The following ZBTB20 variants were observed in gnomAD, a reference collection of about 807,000 sequenced individuals.
ZBTB20 encodes the protein zinc finger and BTB domain containing 20.
Under a neutral mutation model 56.9 loss-of-function variants are expected in ZBTB20, and 9 were observed. The ratio of observed to expected loss-of-function variants is 0.16; its 90% CI spans 0.10 to 0.28. The LOEUF (loss-of-function observed/expected upper bound fraction) is 0.28, where lower values mean the gene tolerates loss of function less well. ZBTB20 is among the 10% of genes least tolerant of loss of function. The pLI is 1.00. For missense variants in ZBTB20, 655 were observed against 1,003.0 expected (o/e 0.65, Z 4.69); for synonymous variants, 417 against 420.7 (o/e 0.99, Z 0.11).
intron 5 of ZBTB20, among the ~76,000 whole-genome samples, chr3:114,767,753 C>G (rs1008343642): frequency 3.3e-5 from 5 of 152,150 alleles, no homozygotes; most frequent in African/African-American, 1.2e-4. Context: ...ATCCAAATGT[C>G]TGGGACACAA....
At chr3:114,862,647 T>C (rs752675028) in intron 4 of ZBTB20, among the ~76,000 whole-genome samples, 6 of 152,186 alleles carry the variant, frequency 3.9e-5, no homozygotes, top group East Asian at 1.9e-4. Flanking sequence ...TTCACTATTG[T>C]ATGCTCCGAG....
chr3:114,488,572 T>C (rs1016640524), intron 7 of ZBTB20, among the ~76,000 whole-genome samples: 1 of 152,304 alleles, frequency 6.6e-6, no homozygotes, highest in Middle Eastern at 3.4e-3. Flanking sequence ...ATGGCAAAAA[T>C]TATCACTGAA....
chr3:114,967,915 C>A (rs1211295483), intron 3 of ZBTB20, among the ~76,000 whole-genome samples: 1 of 151,428 alleles, frequency 6.6e-6, no homozygotes, highest in Admixed American at 6.6e-5. Flanking sequence ...CAAGATCACC[C>A]CATTGCACTC....
intron 4 of ZBTB20, among the ~76,000 whole-genome samples, chr3:114,859,189 TTCCTTCCTTCCTTCGTTCCTTCCTTTCC>T (rs1224806095): frequency 3.3e-5 from 5 of 152,030 alleles, no homozygotes; most frequent in Non-Finnish European, 7.4e-5. Context: ...CCCACCTTTC[TTCCTTCCTTCCTTCGTTCCTTCCTTTCC>T]TCCTTCCTTC....
At chr3:114,667,425 C>T (rs976970848) in intron 6 of ZBTB20, among the ~76,000 whole-genome samples, 1 of 151,978 alleles carries the variant, frequency 6.6e-6, no homozygotes, top group Non-Finnish European at 1.5e-5. Context: ...ATGATTAACA[C>T]GTTTTAAAAG....
chr3:114,633,687 C>T (rs2059093480), intron 6 of ZBTB20, among the ~76,000 whole-genome samples: 1 of 152,140 alleles, frequency 6.6e-6, no homozygotes. Context: ...TCCTTTTCTA[C>T]TTGCACTGGG....
intron 5 of ZBTB20, among the ~76,000 whole-genome samples, chr3:114,710,843 G>A (rs2064028492): frequency 6.6e-6 from 1 of 152,040 alleles, no homozygotes; most frequent in South Asian, 2.1e-4. Context: ...ATAGCTTTCT[G>A]TCAGTCTTTA....
intron 6 of ZBTB20, among the ~76,000 whole-genome samples, chr3:114,596,442 GA>G (rs994854465): frequency 1.3e-5 from 2 of 152,132 alleles, no homozygotes; most frequent in African/African-American, 4.8e-5. Flanking sequence ...CAGGCAAACA[GA>G]AAGGTGTAGA....
At chr3:114,576,813 A>T (rs189388232) in intron 6 of ZBTB20, among the ~76,000 whole-genome samples, 6 of 152,054 alleles carry the variant, frequency 3.9e-5, no homozygotes, top group African/African-American at 9.6e-5. Context: ...AGAGTGAGAA[A>T]GTGAGTGAGA....
chr3:114,792,820 C>A lies in ZBTB20; in HGVS notation c.-343+8281G>T, dbSNP rs200839467. Among the ~76,000 whole-genome samples the A allele has an allele frequency of 3.3e-5, 5 of 152,064 alleles. No homozygotes were observed. The East Asian group carries it at 9.7e-4, about 29-fold the overall frequency. On this transcript the variant is annotated intron_variant, in intron 5 of 11. Transcript: ENST00000675478. ...GTATTCCTCACTGGTCTTTAGAAAA[C>A]AGTGCTAGCAATTCATAAGTATGTT...
At chr3:114,801,761 C>A (rs572524617) in intron 4 of ZBTB20, among the ~76,000 whole-genome samples, 1 of 151,664 alleles carries the variant, frequency 6.6e-6, no homozygotes, top group African/African-American at 2.4e-5. Context: ...ATGGGTTTAG[C>A]GTGCCCCATT....
intron 2 of ZBTB20, among the ~76,000 whole-genome samples, chr3:115,019,636 C>A (rs1313076792): frequency 6.6e-6 from 1 of 151,060 alleles, no homozygotes; most frequent in Non-Finnish European, 1.5e-5. Context: ...AGTTATATTA[C>A]AAAATTAATG....
chr3:115,067,827 C>A (rs1158879708), intron 2 of ZBTB20, among the ~76,000 whole-genome samples: 1 of 152,062 alleles, frequency 6.6e-6, no homozygotes, highest in Non-Finnish European at 1.5e-5. Flanking sequence ...AACTTGCTAG[C>A]CTGCCGCAAT....
At chr3:114,409,181 G>A (rs2087677318) in intron 7 of ZBTB20, among the ~76,000 whole-genome samples, 1 of 114,450 alleles carries the variant, frequency 8.7e-6, no homozygotes, top group South Asian at 2.9e-4. Flanking sequence ...CAAGCTTTCT[G>A]ACGTGAATGT....
intron 3 of ZBTB20, among the ~76,000 whole-genome samples, chr3:114,927,324 A>G (rs774971676): frequency 6.6e-6 from 1 of 152,182 alleles, no homozygotes; most frequent in Non-Finnish European, 1.5e-5. Context: ...ATGTTGATTG[A>G]TGTCTCATGC....
At chr3:114,640,772 A>G (rs2059518949) in intron 6 of ZBTB20, among the ~76,000 whole-genome samples, 1 of 152,118 alleles carries the variant, frequency 6.6e-6, no homozygotes, top group African/African-American at 2.4e-5. Context: ...AGAGAAAGAG[A>G]TAAACTAAAA....
intron 6 of ZBTB20, among the ~76,000 whole-genome samples, chr3:114,573,263 C>T (rs1236952932): frequency 2.0e-5 from 3 of 151,834 alleles, no homozygotes; most frequent in Non-Finnish European, 4.4e-5. Context: ...AGTTCGAGAC[C>T]ACCCTAGGCA....
intron 4 of ZBTB20, among the ~76,000 whole-genome samples, chr3:114,888,490 T>C (rs1424619344): frequency 6.6e-6 from 1 of 152,202 alleles, no homozygotes; most frequent in African/African-American, 2.4e-5. Context: ...AGCAAAAGTA[T>C]ACTGGAAATT....
chr3:115,081,257 A>T, intron 1 of ZBTB20, among the ~76,000 whole-genome samples: 1 of 152,158 alleles, frequency 6.6e-6, no homozygotes, highest in East Asian at 1.9e-4. Flanking sequence ...TGTTGAGTAG[A>T]ACAAACTTTA....
Sources: gnomAD v4.1 joint callset for allele counts (sites outside exome capture counted in the v4.1 genomes callset) on GRCh38, gnomAD v4.1.1 for gene constraint, MANE v1.5 for transcripts, NCBI Gene and HGNC (gene_info 2026-07-23, HGNC 2026-07-21) for gene names.